The following NSRP1 variants were observed in gnomAD, a reference collection of about 807,000 sequenced individuals.
The protein encoded by NSRP1 is coiled-coil domain containing 55.
Under a neutral mutation model 54.7 loss-of-function variants are expected in NSRP1, and 24 were observed. The observed-to-expected ratio is 0.44, with a 90% CI of 0.32 to 0.62. The LOEUF (loss-of-function observed/expected upper bound fraction) is 0.62. Ranked by LOEUF, NSRP1 falls within the 20% of genes least tolerant of loss-of-function variation. The pLI, the probability that NSRP1 is intolerant of heterozygous loss-of-function variation, is 0.06. For synonymous variants in NSRP1, 210 were observed against 213.8 expected, an observed-to-expected ratio of 0.98 and a Z score of 0.15; for missense variants, 596 against 651.2, an observed-to-expected ratio of 0.92 and a Z score of 0.92.
At chr17:30,140,929 C>T (rs2071799414) in intron 2 of NSRP1, among the ~76,000 whole-genome samples, 1 of 152,114 alleles carries the variant, frequency 6.6e-6, no homozygotes, top group African/African-American at 2.4e-5. Flanking sequence ...ATCCTCCCAC[C>T]TCAACCTCCT....
intron 1 of NSRP1, 64 bp from the exon 2 acceptor site, chr17:30,118,016 T>G: frequency 1.6e-6 from 2 of 1,223,918 alleles, no homozygotes; most frequent in South Asian, 2.4e-5. Flanking sequence ...GAAGAGGTAG[T>G]AGATGTATTT....
At chr17:30,162,100 C>T (rs1248322265) in intron 2 of NSRP1, among the ~76,000 whole-genome samples, 2 of 150,822 alleles carry the variant, frequency 1.3e-5, no homozygotes, top group African/African-American at 4.9e-5. Flanking sequence ...CAGCTCACTA[C>T]AACCTCCTCC....
chr17:30,156,976 A>G (rs1286583597), intron 2 of NSRP1, among the ~76,000 whole-genome samples: 1 of 152,182 alleles, frequency 6.6e-6, no homozygotes. Context: ...TCCTTTTGAT[A>G]TACTGATTTT....
chr17:30,139,949 G>A (rs921612871), intron 2 of NSRP1, among the ~76,000 whole-genome samples: 19 of 152,124 alleles, frequency 1.2e-4, no homozygotes, highest in African/African-American at 1.9e-4. Context: ...GGGTGAACCC[G>A]GGAGGCGGAG....
intron 2 of NSRP1, among the ~76,000 whole-genome samples, chr17:30,165,889 A>T (rs1052850617): frequency 1.3e-5 from 2 of 152,198 alleles, no homozygotes; most frequent in Non-Finnish European, 2.9e-5. Flanking sequence ...GAAATATATT[A>T]ATGTCACTTC....
intron 2 of NSRP1, among the ~76,000 whole-genome samples, chr17:30,129,176 T>G (rs1040697286): frequency 6.6e-6 from 1 of 152,044 alleles, no homozygotes; most frequent in South Asian, 2.1e-4. Flanking sequence ...TGTAAAAAGA[T>G]ATAACACATT....
At chr17:30,162,271 C>G (rs1904546842) in intron 2 of NSRP1, among the ~76,000 whole-genome samples, 1 of 152,184 alleles carries the variant, frequency 6.6e-6, no homozygotes, top group Non-Finnish European at 1.5e-5. Context: ...ACCTCATGAT[C>G]CACCCGCCTT....
Position 30,176,008 on chromosome 17 carries a change from C to A in NSRP1, c.172-2063C>A, listed in dbSNP as rs1472458732. Among the ~76,000 whole-genome samples, 8 of 150,966 alleles carry A rather than the reference C, an allele frequency of 5.3e-5. No homozygotes were observed. The East Asian group carries it at 5.8e-4, about 11-fold the overall frequency. On this transcript the variant is annotated intron_variant, in intron 3 of 6. Transcript: ENST00000247026. ...ACAGAGCAAGACTCCGAACCCCCCC[C>A]CCAAAAAAAAAGAAAAAAGAAAATG...
At chr17:30,117,114 C>G in intron 1 of NSRP1, 1 of 753,442 alleles carries the variant, frequency 1.3e-6, no homozygotes, top group Non-Finnish European at 2.5e-6. Flanking sequence ...GAGAGCGAGA[C>G]TTTTCTATTT....
At chr17:30,123,552 G>T (rs934389581) in intron 2 of NSRP1, among the ~76,000 whole-genome samples, 1 of 151,994 alleles carries the variant, frequency 6.6e-6, no homozygotes, top group Non-Finnish European at 1.5e-5. Flanking sequence ...AATATCCTTC[G>T]AAGCACAAAA....
chr17:30,167,989 A>C (rs1256277024), intron 2 of NSRP1: 5 of 152,214 alleles, frequency 3.3e-5, no homozygotes, highest in Non-Finnish European at 5.9e-5. Context: ...TGAATTTCCA[A>C]TAATAGCAAC....
intron 2 of NSRP1, among the ~76,000 whole-genome samples, chr17:30,137,079 G>A (rs1168263615): frequency 6.6e-6 from 1 of 152,068 alleles, no homozygotes; most frequent in Non-Finnish European, 1.5e-5. Flanking sequence ...CAAGAGTATT[G>A]TTGAAATATA....
chr17:30,167,539 G>A (rs963617884), intron 2 of NSRP1, among the ~76,000 whole-genome samples: 2 of 151,970 alleles, frequency 1.3e-5, no homozygotes, highest in African/African-American at 4.8e-5. Flanking sequence ...AACCCGGGAG[G>A]CGGAGGTTGC....
At chr17:30,160,054 T>C (rs184070790) in intron 2 of NSRP1, among the ~76,000 whole-genome samples, 37 of 152,334 alleles carry the variant, frequency 2.4e-4, no homozygotes, top group Non-Finnish European at 4.9e-4. Flanking sequence ...CCAATTGAGA[T>C]GATCATATGG....
intron 2 of NSRP1, among the ~76,000 whole-genome samples, chr17:30,170,229 A>G (rs1409773459): frequency 6.6e-6 from 1 of 152,196 alleles, no homozygotes; most frequent in Non-Finnish European, 1.5e-5. Flanking sequence ...ATATTAAGGT[A>G]TATAACAATT....
chr17:30,148,970 C>T (rs1458082207), intron 2 of NSRP1, among the ~76,000 whole-genome samples: 1 of 152,118 alleles, frequency 6.6e-6, no homozygotes, highest in Admixed American at 6.5e-5. Context: ...CTAATTTCTG[C>T]CCATATGTTT....
At chr17:30,135,396 A>C (rs2071740467) in intron 2 of NSRP1, among the ~76,000 whole-genome samples, 1 of 151,994 alleles carries the variant, frequency 6.6e-6, no homozygotes, top group Non-Finnish European at 1.5e-5. Flanking sequence ...AAGTGCTGGA[A>C]CTGTAGGTGT....
At chr17:30,132,123 C>CT (rs199951319) in intron 2 of NSRP1, among the ~76,000 whole-genome samples, 13,330 of 151,652 alleles carry the variant, frequency 0.088, 802 homozygotes, top group South Asian at 0.15. Context: ...TGGCGGGCGC[C>CT]TGTAGTCCCA....
At chr17:30,139,003 C>T (rs186902499) in intron 2 of NSRP1, among the ~76,000 whole-genome samples, 119 of 145,580 alleles carry the variant, frequency 8.2e-4, no homozygotes, top group Non-Finnish European at 1.5e-3. Flanking sequence ...CTGCAAGCTC[C>T]GCCTCCCGGG....
Sources: allele counts gnomAD v4.1 joint callset (sites outside exome capture counted in the v4.1 genomes callset), GRCh38; gene constraint gnomAD v4.1.1; transcripts MANE v1.5; gene names NCBI Gene and HGNC (gene_info 2026-07-23, HGNC 2026-07-21).